The following ZNF385C variants were observed in gnomAD, a reference collection of about 807,000 sequenced individuals.
ZNF385C encodes the protein zinc finger protein 385C.
In ZNF385C, 28 loss-of-function variants were observed where a neutral mutation model predicts 35.4. That is an observed-to-expected ratio of 0.79 (90% CI 0.59 to 1.08). ZNF385C has a LOEUF of 1.08. Among genes scored for constraint, ZNF385C ranks in the 50% least tolerant of loss-of-function variants. The pLI, the probability that ZNF385C is intolerant of heterozygous loss-of-function variation, is 0.00. For synonymous variants in ZNF385C, 248 were observed against 248.2 expected, an observed-to-expected ratio of 1.00 and a Z score of 0.01; for missense variants, 605 against 595.6, an observed-to-expected ratio of 1.02 and a Z score of -0.16.
At chr17:42,096,559 C>T (rs1440727368) in intron 1 of ZNF385C, among the ~76,000 whole-genome samples, 1 of 152,228 alleles carries the variant, frequency 6.6e-6, no homozygotes, top group Non-Finnish European at 1.5e-5. Context: ...CTGAAGCTGT[C>T]CTTTCACTGG....
Position 42,041,582 on chromosome 17 carries a change from G to A in ZNF385C, c.251-3697C>T, listed in dbSNP as rs117608382. ...ATGAATCATAAAGAGCTCTAGGAAA[G>A]CTAGTTTTTTCACTGTGTTTTTCTA... On this transcript the variant is annotated intron_variant, in intron 2 of 8. Transcript: ENST00000692273. Among the ~76,000 whole-genome samples, 1,431 of 152,250 alleles carry A rather than the reference G, an allele frequency of 9.4e-3. 35 individuals are homozygous for A. The highest frequency in any genetic ancestry group is 0.055 in the East Asian group (286 of 5,188).
At chr17:42,027,281 A>AT in intron 8 of ZNF385C, 148 bp from the exon 9 acceptor site, 1 of 730,970 alleles carries the variant, frequency 1.4e-6, no homozygotes, top group Non-Finnish European at 2.3e-6. Flanking sequence ...ACCCCCAAAC[A>AT]TTCATTCCGA....
In ZNF385C at chr17:42,026,649, A is replaced by G. The variant is rs2052584008; in HGVS notation, c.*248T>C. On this transcript the variant is annotated 3_prime_UTR_variant, in exon 9 of 9. Transcript: ENST00000692273. Reference sequence around the variant, plus strand: ...TGGCTGGGGCTGAGATTTTGCATAGATCTTTGGGGTCTGTCAGGGTGGGAA... The same window carrying G: ...TGGCTGGGGCTGAGATTTTGCATAGGTCTTTGGGGTCTGTCAGGGTGGGAA... 1.8e-6 allele frequency: 1 copy of G among 564,850 alleles called. No individual in the cohort carries two copies. The highest frequency in any genetic ancestry group is 1.9e-5 in the African/African-American group (1 of 52,914). The allele number at this position is 564,850 out of a possible 1,614,324, so 35.0% of individuals were successfully genotyped here.
chr17:42,040,144 G>A lies in ZNF385C; in HGVS notation c.251-2259C>T, dbSNP rs1369560116. ...CTCGCCATGCGTGCCCAGCTCCTCC[G>A]GCGCCTGCGGGTAGCGTCGGGGGTC... On this transcript the variant is annotated intron_variant, in intron 2 of 8. Coordinates refer to ENST00000692273, the MANE Select transcript of ZNF385C (RefSeq NM_001392013.1). 5 of 1,231,346 alleles carry A rather than the reference G, an allele frequency of 4.1e-6. No homozygotes were observed. In the African/African-American group the frequency reaches 7.8e-5, roughly 19 times the overall value. 76.3% of individuals were successfully genotyped at this position (1,231,346 alleles called of 1,614,324 possible).
chr17:42,082,088 T>G lies in ZNF385C; in HGVS notation c.-3+16322A>C, dbSNP rs142033160. Reference sequence around the variant, plus strand: ...TTCTCCAGGCAAGTCCTGCTGCTGCTCCTAGGCTTACCATGAAGCCTGAAG... The same window carrying G: ...TTCTCCAGGCAAGTCCTGCTGCTGCGCCTAGGCTTACCATGAAGCCTGAAG... On this transcript the variant is annotated intron_variant, in intron 1 of 8. Transcript: ENST00000692273. Among the ~76,000 whole-genome samples the G allele has an allele frequency of 3.4e-3, 524 of 152,288 alleles. 3 individuals are homozygous for G. The highest frequency in any genetic ancestry group is 0.012 in the African/African-American group (508 of 41,558).
At chr17:42,062,535 AAGATCCCACAGGG>A (rs1209324139) in intron 2 of ZNF385C, 3 of 335,238 alleles carry the variant, frequency 8.9e-6, no homozygotes, top group African/African-American at 4.2e-5. Context: ...CTGATCCCAA[AAGATCCCACAGGG>A]AGAGTTCCCT....
chr17:42,034,784 CAA>C (rs71357525), intron 3 of ZNF385C, among the ~76,000 whole-genome samples: 8 of 64,126 alleles, frequency 1.2e-4, no homozygotes, highest in Admixed American at 1.9e-4. Flanking sequence ...AACTTCGTCT[CAA>C]AAAAAAAAAA....
At chr17:42,058,209 C>G (rs2143817246) in intron 2 of ZNF385C, among the ~76,000 whole-genome samples, 1 of 152,266 alleles carries the variant, frequency 6.6e-6, no homozygotes, top group African/African-American at 2.4e-5. Flanking sequence ...AGTCTCCCTC[C>G]CACAGATGGC....
At chr17:42,092,063 C>T (rs941955819) in intron 1 of ZNF385C, among the ~76,000 whole-genome samples, 2 of 152,144 alleles carry the variant, frequency 1.3e-5, no homozygotes, top group African/African-American at 4.8e-5. Context: ...ATTGATTCTG[C>T]GAAAGTTCCT....
intron 2 of ZNF385C, among the ~76,000 whole-genome samples, chr17:42,060,329 C>T (rs1026528886): frequency 2.0e-5 from 3 of 152,192 alleles, no homozygotes; most frequent in Admixed American, 1.3e-4. Context: ...CCAGAGACAC[C>T]TAAAAACACT....
chr17:42,032,210 G>A (rs1174563339), intron 4 of ZNF385C, among the ~76,000 whole-genome samples: 2 of 152,084 alleles, frequency 1.3e-5, no homozygotes, highest in Non-Finnish European at 2.9e-5. Context: ...ACAGGCGCCC[G>A]CCACCACACC....
intron 1 of ZNF385C, among the ~76,000 whole-genome samples, chr17:42,069,377 C>T (rs1455017113): frequency 1.3e-5 from 2 of 152,120 alleles, no homozygotes; most frequent in African/African-American, 2.4e-5. Flanking sequence ...GGGTCCTTGG[C>T]CACCGTGAGG....
chr17:42,039,729 G>T, intron 2 of ZNF385C: 3 of 1,232,538 alleles, frequency 2.4e-6, no homozygotes, highest in Non-Finnish European at 3.0e-6. Flanking sequence ...ACCCCAGGAA[G>T]CCCTCTCCCC....
At chr17:42,091,116 C>A (rs1250941390) in intron 1 of ZNF385C, among the ~76,000 whole-genome samples, 3 of 152,126 alleles carry the variant, frequency 2.0e-5, no homozygotes, top group Admixed American at 2.0e-4. Context: ...CCAAGGAAGC[C>A]CATTTCAGTG....
At chr17:42,077,120 TA>T (rs1449907140) in intron 1 of ZNF385C, among the ~76,000 whole-genome samples, 1 of 152,142 alleles carries the variant, frequency 6.6e-6, no homozygotes, top group Non-Finnish European at 1.5e-5. Context: ...ACACAGAAAG[TA>T]ACAAAGACAT....
At chr17:42,039,625 G>C in intron 2 of ZNF385C, 1 of 1,178,534 alleles carries the variant, frequency 8.5e-7, no homozygotes. Flanking sequence ...ATCATCTTGG[G>C]TGCAGCATGG....
intron 2 of ZNF385C, among the ~76,000 whole-genome samples, chr17:42,053,874 C>T (rs1047985671): frequency 5.9e-5 from 9 of 151,732 alleles, no homozygotes; most frequent in South Asian, 2.1e-4. Flanking sequence ...GGCACCACCG[C>T]GGAGTGCAGA....
intron 1 of ZNF385C, among the ~76,000 whole-genome samples, chr17:42,068,648 C>T (rs950624197): frequency 6.6e-6 from 1 of 152,204 alleles, no homozygotes; most frequent in Non-Finnish European, 1.5e-5. Flanking sequence ...TGCCACCATG[C>T]CCAAACAGGA....
chr17:42,028,603 TCTC>T lies in ZNF385C; in HGVS notation c.967+177_967+179del, dbSNP rs1294687881. On this transcript the variant is annotated intron_variant, in intron 6 of 8. Coordinates refer to ENST00000692273, the MANE Select transcript of ZNF385C (RefSeq NM_001392013.1). ...GCTGCCTCAGACTTCTCTTCCCAAT[TCTC>T]CTTCCCCAAGGAGTAATGGGAGGAC... 62 of 780,700 alleles carry T rather than the reference TCTC, an allele frequency of 7.9e-5. No individual in the cohort carries two copies. In the African/African-American group the frequency reaches 9.3e-4, roughly 12 times the overall value. The allele number at this position is 780,700 out of a possible 1,614,324, so 48.4% of individuals were successfully genotyped here.
Sources: gnomAD v4.1 joint callset for allele counts (sites outside exome capture counted in the v4.1 genomes callset) on GRCh38, gnomAD v4.1.1 for gene constraint, MANE v1.5 for transcripts, NCBI Gene and HGNC (gene_info 2026-07-23, HGNC 2026-07-21) for gene names.